AAGAB: variants seen among roughly 807,000 people sequenced by gnomAD.
AAGAB encodes alpha and gamma adaptin binding protein.
A neutral mutation model predicts 44.1 loss-of-function variants in AAGAB; 38 were observed. That is an observed-to-expected ratio of 0.86 (90% CI 0.67 to 1.13). AAGAB has a LOEUF of 1.13. AAGAB is among the 50% of genes most tolerant of loss of function. The pLI is 0.00. For synonymous variants in AAGAB, 131 were observed against 131.8 expected (o/e 0.99, Z 0.04); for missense variants, 450 against 373.8 (o/e 1.20, Z -1.68).
intron 5 of AAGAB, among the ~76,000 whole-genome samples, chr15:67,214,549 C>G (rs1486372166): frequency 6.6e-6 from 1 of 152,192 alleles, no homozygotes. Context: ...CAAATGTCCC[C>G]TGGGGGGCAA....
intron 5 of AAGAB, among the ~76,000 whole-genome samples, chr15:67,222,224 ACGCGCACG>A (rs200186647): frequency 4.5e-5 from 5 of 111,906 alleles, no homozygotes; most frequent in East Asian, 3.0e-4. Flanking sequence ...ACATGCATGC[ACGCGCACG>A]CGCGCGCGCG....
chr15:67,226,902 T>C (rs180801660), intron 5 of AAGAB: 88 of 298,352 alleles, frequency 2.9e-4, no homozygotes, highest in African/African-American at 1.8e-3. Context: ...TTTAATTACC[T>C]AGATTTTCAG....
intron 4 of AAGAB, among the ~76,000 whole-genome samples, chr15:67,233,636 C>G (rs1964395081): frequency 6.6e-6 from 1 of 152,142 alleles, no homozygotes; most frequent in Non-Finnish European, 1.5e-5. Flanking sequence ...GAATTTGAAC[C>G]CAGGCTCTGC....
intron 1 of AAGAB, among the ~76,000 whole-genome samples, chr15:67,243,754 T>G (rs1458668674): frequency 6.6e-6 from 1 of 152,218 alleles, no homozygotes; most frequent in African/African-American, 2.4e-5. Context: ...TTATTCTTTC[T>G]TGAAGAGCTG....
rs1053737072 is a variant in AAGAB, at chr15:67,201,634, T to G, written c.*1187A>C. 1 of 152,320 alleles carries G rather than the reference T, an allele frequency of 6.6e-6. No homozygotes were observed. Among genetic ancestry groups the G allele is most frequent in the Non-Finnish European group, 1.5e-5 (1 of 68,042 alleles). 9.4% of individuals were successfully genotyped at this position (152,320 alleles called of 1,614,324 possible). On this transcript the variant is annotated 3_prime_UTR_variant, in exon 10 of 10. Transcript: ENST00000261880. ...TGCCAGTTCAGAGCCACAGCAGTAA[T>G]GATCACAGTGAGGGCTAATGATATG... is the stretch of plus-strand genomic sequence containing the variant.
chr15:67,221,833 C>A (rs536942510), intron 5 of AAGAB, among the ~76,000 whole-genome samples: 20 of 152,302 alleles, frequency 1.3e-4, no homozygotes, highest in African/African-American at 4.8e-4. Flanking sequence ...ACCATTCCAG[C>A]AATCTGAGTC....
In AAGAB at chr15:67,229,261, C is replaced by T. The variant is rs564417330; in HGVS notation, c.535+2553G>A. 8.6e-5 allele frequency among the ~76,000 whole-genome samples: 13 copies of T among 152,010 alleles called. No individual in the cohort carries two copies. In the South Asian group the frequency reaches 1.9e-3, roughly 22 times the overall value. On this transcript the variant is annotated intron_variant, in intron 5 of 9. Coordinates refer to ENST00000261880, the MANE Select transcript of AAGAB (RefSeq NM_024666.5). ...AGCCTGGCCAACATGGTGAAACCCC[C>T]GTCTCTACTAAAAATACAAAAATTA...
chr15:67,218,565 G>A (rs1964002273), intron 5 of AAGAB, among the ~76,000 whole-genome samples: 1 of 152,166 alleles, frequency 6.6e-6, no homozygotes, highest in African/African-American at 2.4e-5. Context: ...ACAGTCCTGA[G>A]TATGATGCCT....
intron 1 of AAGAB, 63 bp from the exon 2 acceptor site, chr15:67,236,883 T>G: frequency 7.6e-7 from 1 of 1,320,266 alleles, no homozygotes; most frequent in Non-Finnish European, 1.0e-6. Flanking sequence ...GTTGATTTTC[T>G]CAGTCAGATA....
At chr15:67,216,345 C>T (rs540347920) in intron 5 of AAGAB, among the ~76,000 whole-genome samples, 12 of 141,542 alleles carry the variant, frequency 8.5e-5, no homozygotes, top group South Asian at 2.3e-4. Flanking sequence ...GGGAGGCTGA[C>T]GCAGGAGAAC....
rs557336194 is a variant in AAGAB, at chr15:67,235,561, G to C, written c.451+418C>G. Among the ~76,000 whole-genome samples the C allele has an allele frequency of 1.6e-3, 239 of 152,290 alleles. 1 individual carries two copies. The highest frequency in any genetic ancestry group is 1.4e-3 in the Non-Finnish European group (97 of 68,026). ...ATCTTTTGGCTTCAAATGTCCAAAA[G>C]ACATTCAAATGGATTTGAAATGTCC... On this transcript the variant is annotated intron_variant, in intron 4 of 9. Coordinates refer to ENST00000261880, the MANE Select transcript of AAGAB (RefSeq NM_024666.5).
upstream of AAGAB, chr15:67,254,937 T>A: frequency 6.2e-7 from 1 of 1,613,614 alleles, no homozygotes; most frequent in Non-Finnish European, 8.5e-7. Flanking sequence ...GTCGGATCCA[T>A]CTTAATCCAG....
intron 5 of AAGAB, among the ~76,000 whole-genome samples, chr15:67,216,620 T>C (rs1963957472): frequency 6.6e-6 from 1 of 151,650 alleles, no homozygotes; most frequent in African/African-American, 2.4e-5. Flanking sequence ...TCTCCAATGT[T>C]GTAAAGGAAA....
In AAGAB at chr15:67,202,404, G is replaced by A. The variant is rs919748745; in HGVS notation, c.*417C>T. 1 of 164,362 alleles carries A rather than the reference G, an allele frequency of 6.1e-6. No individual in the cohort carries two copies. Among genetic ancestry groups the A allele is most frequent in the Non-Finnish European group, 1.3e-5 (1 of 75,448 alleles). The allele number at this position is 164,362 out of a possible 1,614,324, so 10.2% of individuals were successfully genotyped here. A position where few individuals can be genotyped will look rare whatever the true frequency, so the allele number is the denominator to read the frequency against. On this transcript the variant is annotated 3_prime_UTR_variant, in exon 10 of 10. Coordinates refer to ENST00000261880, the MANE Select transcript of AAGAB (RefSeq NM_024666.5). The stretch of plus-strand genomic sequence containing the variant: ...CAGAGCTACAAGCTCCTTGAATGGA[G>A]AAAACCCAAATCACCCAGGAAAGGT...
chr15:67,247,955 T>C (rs891141796), intron 1 of AAGAB, among the ~76,000 whole-genome samples: 3 of 152,228 alleles, frequency 2.0e-5, no homozygotes, highest in African/African-American at 7.2e-5. Context: ...AAGTTGACCA[T>C]ATTTTACATG....
chr15:67,213,711 G>GT (rs572870928), intron 5 of AAGAB, among the ~76,000 whole-genome samples: 5 of 152,072 alleles, frequency 3.3e-5, no homozygotes, highest in Non-Finnish European at 5.9e-5. Flanking sequence ...CTGTACCTCA[G>GT]TTTCTACATT....
At chr15:67,248,085 GT>G (rs1476099795) in intron 1 of AAGAB, among the ~76,000 whole-genome samples, 3 of 152,074 alleles carry the variant, frequency 2.0e-5, no homozygotes, top group Non-Finnish European at 2.9e-5. Context: ...ATGTGGACAT[GT>G]TTTTTTTAAG....
chr15:67,238,647 A>C (rs1279971010), intron 1 of AAGAB, among the ~76,000 whole-genome samples: 1 of 152,226 alleles, frequency 6.6e-6, no homozygotes, highest in Non-Finnish European at 1.5e-5. Context: ...AAAAAAATGT[A>C]TAAACTAACT....
At chr15:67,221,913 T>TC (rs1316648425) in intron 5 of AAGAB, among the ~76,000 whole-genome samples, 2 of 152,046 alleles carry the variant, frequency 1.3e-5, no homozygotes, top group African/African-American at 4.8e-5. Flanking sequence ...ACTCCCAGGG[T>TC]CATACCCAGA....
Sources: allele counts gnomAD v4.1 joint callset (sites outside exome capture counted in the v4.1 genomes callset), GRCh38; gene constraint gnomAD v4.1.1; transcripts MANE v1.5; gene names NCBI Gene and HGNC (gene_info 2026-07-23, HGNC 2026-07-21).